RTTN: variants seen among roughly 807,000 people sequenced by gnomAD.
RTTN encodes the protein rotatin.
RTTN carries 182 observed loss-of-function variants against 269.2 expected under a neutral mutation model. The ratio of observed to expected loss-of-function variants is 0.68; its 90% CI spans 0.60 to 0.76. The LOEUF (loss-of-function observed/expected upper bound fraction) is 0.76, where lower values mean the gene tolerates loss of function less well. Ranked by LOEUF, RTTN falls within the 30% of genes least tolerant of loss-of-function variation. RTTN has a pLI of 0.00. For synonymous variants in RTTN, 1,006 were observed against 963.5 expected (o/e 1.04, Z -0.82); for missense variants, 2,545 against 2,608.6 (o/e 0.98, Z 0.53).
chr18:70,142,191 C>T (rs749132810), intron 19 of RTTN, 97 bp downstream of exon 19: 54 of 742,474 alleles, frequency 7.3e-5, no homozygotes, highest in Non-Finnish European at 9.7e-5. Flanking sequence ...CTGGATCTGG[C>T]GCATAAACCA....
chr18:70,201,790 G>A lies in RTTN; in HGVS notation c.487+104C>T, dbSNP rs961473213. 16 of 676,528 alleles carry A rather than the reference G, an allele frequency of 2.4e-5. No individual in the cohort carries two copies. In the African/African-American group the frequency reaches 2.4e-4, roughly 10 times the overall value. The allele number at this position is 676,528 out of a possible 1,614,324, so 41.9% of individuals were successfully genotyped here. On this transcript the variant is annotated intron_variant, in intron 4 of 48. Coordinates refer to ENST00000640769, the MANE Select transcript of RTTN (RefSeq NM_173630.4). ...AAACATTTAATGATAGTTTGGTGCT[G>A]AAACATTCAAGTTTGGTAAAAATAC... is the stretch of plus-strand genomic sequence containing the variant.
intron 40 of RTTN, among the ~76,000 whole-genome samples, chr18:70,038,684 A>G (rs746974196): frequency 6.6e-6 from 1 of 152,230 alleles, no homozygotes; most frequent in Admixed American, 6.5e-5. Flanking sequence ...AACATCTAAA[A>G]GCATCAAGAT....
intron 40 of RTTN, among the ~76,000 whole-genome samples, chr18:70,047,588 T>C (rs1486023722): frequency 6.6e-6 from 1 of 152,192 alleles, no homozygotes; most frequent in Admixed American, 6.5e-5. Flanking sequence ...AGAAATCAAA[T>C]GTCACTTAGA....
At chr18:70,194,249 C>A (rs2061748732) in intron 7 of RTTN, 1 of 152,004 alleles carries the variant, frequency 6.6e-6, no homozygotes, top group Non-Finnish European at 1.5e-5. Context: ...CATGAGATAC[C>A]ACTTCACATC....
chr18:70,180,826 G>C (rs867718649), intron 10 of RTTN, among the ~76,000 whole-genome samples: 1 of 152,206 alleles, frequency 6.6e-6, no homozygotes, highest in East Asian at 1.9e-4. Flanking sequence ...CTTAGTTTAC[G>C]TGTTATTCCT....
intron 40 of RTTN, among the ~76,000 whole-genome samples, chr18:70,032,622 A>C (rs1230644002): frequency 6.6e-6 from 1 of 152,238 alleles, no homozygotes; most frequent in East Asian, 1.9e-4. Context: ...TCAACAAGGC[A>C]ACCTAGCTAT....
At chr18:70,087,857 T>A (rs2058741613) in intron 31 of RTTN, 132 bp downstream of exon 31, 1 of 839,844 alleles carries the variant, frequency 1.2e-6, no homozygotes, top group African/African-American at 1.7e-5. Flanking sequence ...ACTGTCATTT[T>A]GTTTGGGTGT....
At chr18:70,096,066 C>T (rs977407209) in intron 28 of RTTN, among the ~76,000 whole-genome samples, 30 of 151,024 alleles carry the variant, frequency 2.0e-4, no homozygotes, top group East Asian at 3.9e-4. Flanking sequence ...TCTCTGATAT[C>T]CTTTCTTCTG....
At chr18:70,094,411 T>C (rs915512052) in intron 28 of RTTN, among the ~76,000 whole-genome samples, 13 of 152,210 alleles carry the variant, frequency 8.5e-5, no homozygotes, top group Non-Finnish European at 1.3e-4. Flanking sequence ...ATTTTAGATC[T>C]TTCCCCCTTC....
At chr18:70,006,283 T>G (rs995754993) in intron 47 of RTTN, 98 bp downstream of exon 47, 1 of 778,500 alleles carries the variant, frequency 1.3e-6, no homozygotes, top group Non-Finnish European at 2.2e-6. Flanking sequence ...TTTCTTTTGC[T>G]GTAACTCTTG....
At chr18:70,070,514 C>T (rs1169895408) in intron 34 of RTTN, among the ~76,000 whole-genome samples, 1 of 152,158 alleles carries the variant, frequency 6.6e-6, no homozygotes, top group African/African-American at 2.4e-5. Flanking sequence ...ACTCTTCCTT[C>T]TATAAAACAA....
Position 70,028,730 on chromosome 18 carries a change from TTCC to T in RTTN, c.5814_5816del (p.Glu1939del). The T allele has an allele frequency of 6.2e-7, 1 of 1,603,664 alleles. No individual in the cohort carries two copies. Among genetic ancestry groups the T allele is most frequent in the Non-Finnish European group, 8.5e-7 (1 of 1,172,544 alleles). ...GAAAAGTAGTTCTACTTACTTTACA[TTCC>T]TCATTTTGATAAAGACAGTTTCTTA... is the stretch of plus-strand genomic sequence containing the variant. On this transcript the variant is annotated inframe_deletion, in exon 43 of 49. Coordinates refer to ENST00000640769, the MANE Select transcript of RTTN (RefSeq NM_173630.4).
At chr18:70,074,532 A>G (rs1196005959) in intron 33 of RTTN, among the ~76,000 whole-genome samples, 1 of 152,128 alleles carries the variant, frequency 6.6e-6, no homozygotes, top group Non-Finnish European at 1.5e-5. Flanking sequence ...GCTCAAAAAG[A>G]GTATATATAG....
At chr18:70,052,617 A>G (rs2057701404) in intron 38 of RTTN, among the ~76,000 whole-genome samples, 1 of 146,870 alleles carries the variant, frequency 6.8e-6, no homozygotes, top group South Asian at 2.2e-4. Flanking sequence ...TACTTGCTGA[A>G]TAACTTTTCA....
At chr18:70,180,164 C>T (rs1448265322) in intron 10 of RTTN, among the ~76,000 whole-genome samples, 7 of 152,020 alleles carry the variant, frequency 4.6e-5, no homozygotes, top group South Asian at 2.1e-4. Context: ...CAAATCCTAC[C>T]TATAATTTAA....
chr18:70,145,079 G>A (rs999743411), intron 18 of RTTN, among the ~76,000 whole-genome samples: 10 of 152,154 alleles, frequency 6.6e-5, no homozygotes, highest in Non-Finnish European at 1.0e-4. Flanking sequence ...GATCAGTGGC[G>A]GCATTCAGTT....
chr18:70,166,780 A>C, intron 13 of RTTN, 139 bp downstream of exon 13: 1 of 605,758 alleles, frequency 1.7e-6, no homozygotes, highest in Admixed American at 3.1e-5. Flanking sequence ...ACCCTTTAAA[A>C]ATCAGACACA....
chr18:70,050,250 A>G (rs567163328), intron 39 of RTTN, among the ~76,000 whole-genome samples: 1 of 152,380 alleles, frequency 6.6e-6, no homozygotes, highest in South Asian at 2.1e-4. Context: ...AACCGCATCA[A>G]AAAGTGGGCG....
chr18:70,053,600 G>A (rs1186779539), intron 38 of RTTN: 1 of 152,116 alleles, frequency 6.6e-6, no homozygotes, highest in Admixed American at 6.5e-5. Flanking sequence ...ATAAATGATT[G>A]TTTTCATTTT....
Sources: gnomAD v4.1 joint callset for allele counts (sites outside exome capture counted in the v4.1 genomes callset) on GRCh38, gnomAD v4.1.1 for gene constraint, MANE v1.5 for transcripts, NCBI Gene and HGNC (gene_info 2026-07-23, HGNC 2026-07-21) for gene names.